GALNT14: variants seen among roughly 807,000 people sequenced by gnomAD.
GALNT14 encodes polypeptide N-acetylgalactosaminyltransferase 14.
A neutral mutation model predicts 77.5 loss-of-function variants in GALNT14; 60 were observed. The ratio of observed to expected loss-of-function variants is 0.77; its 90% CI spans 0.63 to 0.96. The LOEUF is 0.96. GALNT14 is among the 40% of genes least tolerant of loss of function. The probability of loss-of-function intolerance (pLI) is 0.00; values close to 1 mark genes in which losing one functional copy is unlikely to be tolerated. For synonymous variants in GALNT14, 280 were observed against 281.7 expected (o/e 0.99, Z 0.06); for missense variants, 710 against 731.0 (o/e 0.97, Z 0.33).
At chr2:30,895,285 A>G in the GALNT14 span, among the ~76,000 whole-genome samples, 1 of 152,142 alleles carries the variant, frequency 6.6e-6, no homozygotes, top group East Asian at 1.9e-4. Flanking sequence ...GAACCGACAC[A>G]TGGACAGAGG....
intron 1 of GALNT14, among the ~76,000 whole-genome samples, chr2:30,994,455 T>C (rs1197971260): frequency 2.0e-5 from 3 of 152,182 alleles, no homozygotes; most frequent in African/African-American, 4.8e-5. Context: ...ATCCAGTAAT[T>C]GATCTCTCTC....
At chr2:31,057,317 AAAAT>A (rs1674285088) in intron 1 of GALNT14, among the ~76,000 whole-genome samples, 1 of 139,754 alleles carries the variant, frequency 7.2e-6, no homozygotes, top group Non-Finnish European at 1.5e-5. Context: ...ATATATATAT[AAAAT>A]TATATATTAT....
At chr2:31,026,947 T>C (rs535624582) in intron 1 of GALNT14, among the ~76,000 whole-genome samples, 5 of 152,336 alleles carry the variant, frequency 3.3e-5, no homozygotes, top group East Asian at 1.9e-4. Flanking sequence ...ACAAGTGCAA[T>C]GGAGACCAAC....
At chr2:31,033,908 C>A (rs1672560526) in intron 1 of GALNT14, among the ~76,000 whole-genome samples, 1 of 152,218 alleles carries the variant, frequency 6.6e-6, no homozygotes, top group Non-Finnish European at 1.5e-5. Flanking sequence ...CAACAGCAAA[C>A]AAACCCTCAC....
chr2:30,978,692 T>C (rs1292849477), intron 2 of GALNT14, among the ~76,000 whole-genome samples: 3 of 152,178 alleles, frequency 2.0e-5, no homozygotes, highest in African/African-American at 7.2e-5. Flanking sequence ...TTCAGTAGCT[T>C]GAGAAGGAAT....
At chr2:30,954,905 G>T (rs1016426727) in intron 6 of GALNT14, among the ~76,000 whole-genome samples, 5 of 152,194 alleles carry the variant, frequency 3.3e-5, no homozygotes, top group Non-Finnish European at 7.3e-5. Context: ...GGCTATAGGA[G>T]TCAATAACTC....
At chr2:30,995,497 A>G (rs1207154206) in intron 1 of GALNT14, among the ~76,000 whole-genome samples, 5 of 151,940 alleles carry the variant, frequency 3.3e-5, no homozygotes, top group Non-Finnish European at 2.9e-5. Context: ...AAATTGCTTA[A>G]TGTTTCTTTT....
chr2:30,940,014 A>G (rs1219574148), intron 9 of GALNT14, among the ~76,000 whole-genome samples: 2 of 149,640 alleles, frequency 1.3e-5, no homozygotes, highest in African/African-American at 4.9e-5. Flanking sequence ...AAAAAAAAAA[A>G]AATCCAGAAA....
intron 1 of GALNT14, among the ~76,000 whole-genome samples, chr2:31,118,527 C>CA (rs1247968893): frequency 6.6e-6 from 1 of 151,312 alleles, no homozygotes; most frequent in Non-Finnish European, 1.5e-5. Flanking sequence ...GATAAAAATC[C>CA]AAAAAAACTA....
chr2:30,955,232 G>A (rs993677240), intron 6 of GALNT14, among the ~76,000 whole-genome samples: 3 of 152,158 alleles, frequency 2.0e-5, no homozygotes, highest in Non-Finnish European at 4.4e-5. Context: ...ATGAAGCCTG[G>A]TTAAGTTTGC....
chr2:30,951,436 A>G (rs1397040064), intron 6 of GALNT14, among the ~76,000 whole-genome samples: 1 of 152,124 alleles, frequency 6.6e-6, no homozygotes, highest in Non-Finnish European at 1.5e-5. Flanking sequence ...CAGGGAGAAG[A>G]GGAGAATGAG....
At chr2:31,050,360 C>A (rs1009127510) in intron 1 of GALNT14, among the ~76,000 whole-genome samples, 3 of 152,114 alleles carry the variant, frequency 2.0e-5, no homozygotes. Flanking sequence ...AGGTAGAGAG[C>A]CCTGGGTTAG....
intron 6 of GALNT14, among the ~76,000 whole-genome samples, chr2:30,952,025 T>A (rs1451866925): frequency 6.6e-6 from 1 of 152,232 alleles, no homozygotes; most frequent in East Asian, 1.9e-4. Flanking sequence ...CTTTCTGAGA[T>A]GAACTTCTTG....
intron 13 of GALNT14, among the ~76,000 whole-genome samples, chr2:30,917,759 CAGA>C (rs780425626): frequency 6.6e-6 from 1 of 152,242 alleles, no homozygotes; most frequent in Non-Finnish European, 1.5e-5. Context: ...CTGGCAATGC[CAGA>C]AGCAGACCCC....
chr2:31,057,318 A>ATAT (rs1558532821), intron 1 of GALNT14, among the ~76,000 whole-genome samples: 6 of 123,484 alleles, frequency 4.9e-5, no homozygotes, highest in South Asian at 5.6e-4. Context: ...TATATATATA[A>ATAT]AATTATATAT....
rs1423138458 is a variant in GALNT14 at position 31,138,200 on chromosome 2, C to T, written c.-114G>A. The T allele has an allele frequency of 1.5e-6, 2 of 1,366,076 alleles. No individual in the cohort carries two copies. The highest frequency in any genetic ancestry group is 2.2e-5 in the Admixed American group (1 of 44,820). 84.6% of individuals were successfully genotyped at this position (1,366,076 alleles called of 1,614,324 possible). On this transcript the variant is annotated 5_prime_UTR_variant, in exon 1 of 15. Coordinates refer to ENST00000349752, the MANE Select transcript of GALNT14 (RefSeq NM_024572.4). The stretch of plus-strand genomic sequence containing the variant: ...CGCCTCGCTCTGGGGAGCTCTAGAC[C>T]CAGGATCCGGTTGGAGGGGCGGCAG...
intron 1 of GALNT14, among the ~76,000 whole-genome samples, chr2:31,133,597 T>A (rs1679088108): frequency 6.6e-6 from 1 of 152,240 alleles, no homozygotes; most frequent in Admixed American, 6.5e-5. Flanking sequence ...TCTTTTGCTT[T>A]TACTAAGCCC....
At chr2:30,966,005 T>C (rs1667982161) in intron 3 of GALNT14, among the ~76,000 whole-genome samples, 199 bp downstream of exon 3, 1 of 152,190 alleles carries the variant, frequency 6.6e-6, no homozygotes. Flanking sequence ...CCTCTGTCTT[T>C]CTATAAAATG....
intron 3 of GALNT14, among the ~76,000 whole-genome samples, chr2:30,961,367 T>C (rs543822775): frequency 6.6e-6 from 1 of 152,296 alleles, no homozygotes; most frequent in South Asian, 2.1e-4. Flanking sequence ...TTGAGTTTAG[T>C]CATTCTGGAG....
Sources: gnomAD v4.1 joint callset for allele counts (sites outside exome capture counted in the v4.1 genomes callset) on GRCh38, gnomAD v4.1.1 for gene constraint, MANE v1.5 for transcripts, NCBI Gene and HGNC (gene_info 2026-07-23, HGNC 2026-07-21) for gene names.